Variants in BMPR2 observed in about 807,000 individuals in gnomAD.
The protein encoded by BMPR2 is bone morphogenetic protein receptor type 2.
BMPR2 carries 29 observed loss-of-function variants against 100.8 expected under a neutral mutation model. The ratio of observed to expected loss-of-function variants is 0.29; its 90% confidence interval spans 0.21 to 0.39. The LOEUF (loss-of-function observed/expected upper bound fraction) is 0.39, where lower values mean the gene tolerates loss of function less well. Ranked by LOEUF, BMPR2 falls within the 10% of genes least tolerant of loss-of-function variation. The pLI, the probability that BMPR2 is intolerant of heterozygous loss-of-function variation, is 1.00. For synonymous variants in BMPR2, 382 were observed against 442.3 expected, an observed-to-expected ratio of 0.86 and a Z score of 1.71; for missense variants, 1,011 against 1,274.5, an observed-to-expected ratio of 0.79 and a Z score of 3.15.
At chr2:202,530,225 G>A (rs1687996000) in intron 7 of BMPR2, among the ~76,000 whole-genome samples, 1 of 152,140 alleles carries the variant, frequency 6.6e-6, no homozygotes, top group African/African-American at 2.4e-5. Flanking sequence ...TCATATCTTG[G>A]TGAGAGATAC....
At chr2:202,381,222 C>T (rs920764161) in intron 1 of BMPR2, among the ~76,000 whole-genome samples, 2 of 152,102 alleles carry the variant, frequency 1.3e-5, no homozygotes, top group Non-Finnish European at 2.9e-5. Flanking sequence ...ATCTGCCTGC[C>T]TCTGCCTCCG....
rs548697530 is a variant in BMPR2, at chr2:202,421,478, A to T, written c.77-43331A>T. On this transcript the variant is annotated intron_variant, in intron 1 of 12. Coordinates refer to ENST00000374580, the MANE Select transcript of BMPR2 (RefSeq NM_001204.7). ...CGCCCCCACCTTTTTTTTTTTTTTT[A>T]AAACAAGTTTTGCATTATACAAGAC... Among the ~76,000 whole-genome samples the T allele has an allele frequency of 4.1e-3, 590 of 143,084 alleles. 4 individuals are homozygous for T. Among genetic ancestry groups the T allele is most frequent in the African/African-American group, 0.012 (468 of 38,770 alleles). The allele number at this position is 143,084 out of a possible 152,430, so 93.9% of individuals were successfully genotyped here.
intron 1 of BMPR2, among the ~76,000 whole-genome samples, chr2:202,461,416 G>A (rs1041317893): frequency 2.0e-5 from 3 of 152,090 alleles, no homozygotes; most frequent in Admixed American, 6.6e-5. Flanking sequence ...CCCGGGAGAC[G>A]GAGGTTGCAG....
chr2:202,456,063 CAAAAAAAAAAAAAAAAAA>C (rs750470872), intron 1 of BMPR2, among the ~76,000 whole-genome samples: 14 of 36,762 alleles, frequency 3.8e-4, no homozygotes, highest in East Asian at 2.8e-3. Context: ...AGACCCGTCT[CAAAAAAAAAAAAAAAAAA>C]AAAAAAAAAA....
At chr2:202,416,839 T>C (rs1405417106) in intron 1 of BMPR2, among the ~76,000 whole-genome samples, 2 of 151,726 alleles carry the variant, frequency 1.3e-5, no homozygotes, top group African/African-American at 4.9e-5. Context: ...CTTTTTCTTT[T>C]TCTTTTTTTT....
intron 1 of BMPR2, among the ~76,000 whole-genome samples, chr2:202,385,600 G>A (rs536988353): frequency 1.4e-4 from 21 of 146,998 alleles, no homozygotes; most frequent in African/African-American, 4.7e-4. Context: ...TCCTGACCTC[G>A]TGATCTGCCC....
At position 202,561,997 on chromosome 2, in the gene BMPR2, GTTATTATTC is replaced by G. The variant is rs1484247696; in HGVS notation, c.*2054_*2062del. On this transcript the variant is annotated 3_prime_UTR_variant, in exon 13 of 13. Transcript: ENST00000374580. Reference sequence around the variant, plus strand: ...CTTCTGGCACGTAATTTTTTTCACAGTTATTATTCTTCTATTAACAAATTATTTTTATCT... The same window carrying G: ...CTTCTGGCACGTAATTTTTTTCACAGTTCTATTAACAAATTATTTTTATCT... The G allele has an allele frequency of 6.6e-6, 1 of 151,982 alleles. No individual in the cohort carries two copies. Among genetic ancestry groups the G allele is most frequent in the Admixed American group, 6.5e-5 (1 of 15,268 alleles). The allele number at this position is 151,982 out of a possible 1,614,324, so 9.4% of individuals were successfully genotyped here. A position where few individuals can be genotyped will look rare whatever the true frequency, so the allele number is the denominator to read the frequency against.
chr2:202,489,125 C>T (rs558155202), intron 3 of BMPR2, among the ~76,000 whole-genome samples: 13 of 152,118 alleles, frequency 8.5e-5, no homozygotes, highest in Non-Finnish European at 1.6e-4. Flanking sequence ...CCTCAGCCTC[C>T]CGAGTAGCTG....
intron 1 of BMPR2, among the ~76,000 whole-genome samples, chr2:202,451,261 C>G (rs1691973996): frequency 2.0e-5 from 3 of 152,174 alleles, no homozygotes; most frequent in Admixed American, 1.3e-4. Flanking sequence ...GCCTAGGATT[C>G]TGTGACTCAA....
At position 202,464,923 on chromosome 2, in the gene BMPR2, G is replaced by A; in HGVS notation, c.191G>A (p.Ser64Asn). The A allele has an allele frequency of 1.9e-6, 3 of 1,614,112 alleles. No individual in the cohort carries two copies. Among genetic ancestry groups the A allele is most frequent in the Non-Finnish European group, 1.7e-6 (2 of 1,180,024 alleles). ...GGGACAATATTATGCTCGAAAGGTA[G>A]CACCTGCTATGGCCTTTGGGAGAAA... ...ENGTILCSKGSTCYGLWEKSK... is the reference protein window; with the variant it reads ...ENGTILCSKGNTCYGLWEKSK... Residue 64 changes from serine (S) to asparagine (N), a missense_variant, in exon 2 of 13, where the codon AGC (serine) becomes AAC (asparagine). Transcript: ENST00000374580.
chr2:202,421,461 C>G (rs1444866590), intron 1 of BMPR2, among the ~76,000 whole-genome samples: 1 of 113,992 alleles, frequency 8.8e-6, no homozygotes, highest in Non-Finnish European at 1.8e-5. Context: ...CCCGCCCCCA[C>G]CTTTTTTTTT....
intron 1 of BMPR2, among the ~76,000 whole-genome samples, chr2:202,454,060 T>TA (rs1692039681): frequency 6.6e-6 from 1 of 152,142 alleles, no homozygotes; most frequent in Non-Finnish European, 1.5e-5. Flanking sequence ...TCTGAATAAG[T>TA]AAAAAAATTT....
At position 202,555,816 on chromosome 2, in the gene BMPR2, A is replaced by C; in HGVS notation, c.2151A>C (p.Ala717=). Residue 717 remains alanine, a synonymous_variant, in exon 12 of 13, where the codon GCA becomes GCC. Coordinates refer to ENST00000374580, the MANE Select transcript of BMPR2 (RefSeq NM_001204.7). ...LYPLIKLAVE[A]TGQQDFTQTA... is the part of the protein sequence containing the mutation. ...CACTCATAAAACTTGCAGTAGAAGC[A>C]ACTGGACAGCAGGACTTCACACAGA... 1.2e-6 allele frequency: 2 copies of C among 1,614,126 alleles called. No individual in the cohort carries two copies. The highest frequency in any genetic ancestry group is 1.7e-6 in the Non-Finnish European group (2 of 1,180,026).
At chr2:202,447,541 C>A (rs1691876719) in intron 1 of BMPR2, among the ~76,000 whole-genome samples, 1 of 150,244 alleles carries the variant, frequency 6.7e-6, no homozygotes, top group Non-Finnish European at 1.5e-5. Context: ...ACTAGACAGG[C>A]ATGGCGGCAT....
intron 1 of BMPR2, among the ~76,000 whole-genome samples, chr2:202,416,832 T>A (rs1443643708): frequency 6.6e-6 from 1 of 151,736 alleles, no homozygotes; most frequent in African/African-American, 2.4e-5. Context: ...CTTTTTTCTT[T>A]TTCTTTTTCT....
chr2:202,380,404 AT>A (rs1690256766), intron 1 of BMPR2, among the ~76,000 whole-genome samples: 1 of 152,184 alleles, frequency 6.6e-6, no homozygotes, highest in African/African-American at 2.4e-5. Context: ...GTTAGTGAAT[AT>A]TACTGAGTAA....
intron 1 of BMPR2, among the ~76,000 whole-genome samples, chr2:202,447,910 CTT>C (rs1232693743): frequency 6.7e-6 from 1 of 150,354 alleles, no homozygotes; most frequent in Non-Finnish European, 1.5e-5. Flanking sequence ...ATTTAGTCCT[CTT>C]TTAAGAGTAG....
chr2:202,389,801 C>T (rs1415051787), intron 1 of BMPR2, among the ~76,000 whole-genome samples: 1 of 151,796 alleles, frequency 6.6e-6, no homozygotes, highest in Admixed American at 6.6e-5. Flanking sequence ...GCCACCACGT[C>T]CGGCTAATTT....
At position 202,441,575 on chromosome 2, in the gene BMPR2, G is replaced by A. The variant is rs570295069; in HGVS notation, c.77-23234G>A. Among the ~76,000 whole-genome samples the A allele has an allele frequency of 2.4e-3, 356 of 148,070 alleles. 23 individuals carry two copies. The highest frequency in any genetic ancestry group is 8.7e-3 in the African/African-American group (334 of 38,612). ...AAACAACAAAAAACAAAAATTAGCC[G>A]GGCGTGGTGGCGGGTGCCTGTAGTC... On this transcript the variant is annotated intron_variant, in intron 1 of 12. Transcript: ENST00000374580.
Sources: gnomAD v4.1 joint callset for allele counts (sites outside exome capture counted in the v4.1 genomes callset) on GRCh38, gnomAD v4.1.1 for gene constraint, MANE v1.5 for transcripts, NCBI Gene and HGNC (gene_info 2026-07-23, HGNC 2026-07-21) for gene names.